The following LYPD6 variants were observed in gnomAD, a reference collection of about 807,000 sequenced individuals.
LYPD6 encodes the protein LY6/PLAUR domain containing 6.
Under a neutral mutation model 22.7 loss-of-function variants are expected in LYPD6, and 15 were observed. The ratio of observed to expected loss-of-function variants is 0.66; its 90% CI spans 0.44 to 1.02. The LOEUF is 1.02. Among genes scored for constraint, LYPD6 ranks in the 50% least tolerant of loss-of-function variants. The pLI is 0.00. For synonymous variants in LYPD6, 72 were observed against 77.5 expected (o/e 0.93, Z 0.37); for missense variants, 189 against 208.4 (o/e 0.91, Z 0.57).
At chr2:149,446,332 T>G (rs1278298134) in intron 2 of LYPD6, among the ~76,000 whole-genome samples, 1 of 152,124 alleles carries the variant, frequency 6.6e-6, no homozygotes, top group Non-Finnish European at 1.5e-5. Flanking sequence ...AATTGGAAAA[T>G]GACACCGATA....
chr2:149,424,026 T>G (rs1683138801), intron 1 of LYPD6, among the ~76,000 whole-genome samples: 1 of 152,184 alleles, frequency 6.6e-6, no homozygotes, highest in Non-Finnish European at 1.5e-5. Context: ...CCCCGAAAGA[T>G]GCCATCGTCT....
intron 1 of LYPD6, among the ~76,000 whole-genome samples, chr2:149,350,025 A>C (rs1681329902): frequency 6.6e-6 from 1 of 152,206 alleles, no homozygotes; most frequent in Non-Finnish European, 1.5e-5. Context: ...TCTAAGGTGC[A>C]TGAGTATTTT....
chr2:149,347,169 A>G (rs1285937107), intron 1 of LYPD6, among the ~76,000 whole-genome samples: 4 of 151,510 alleles, frequency 2.6e-5, no homozygotes, highest in African/African-American at 7.3e-5. Flanking sequence ...GAGAAGAAGA[A>G]GAGAAAGAGG....
At position 149,409,009 on chromosome 2, in the gene LYPD6, T is replaced by C. The variant is rs183139330; in HGVS notation, c.-71-28629T>C. Among the ~76,000 whole-genome samples the C allele has an allele frequency of 7.7e-3, 1,175 of 152,298 alleles. 53 individuals carry two copies. Among genetic ancestry groups the C allele is most frequent in the Admixed American group, 0.072 (1,099 of 15,298 alleles). ...TTTGTCATATTACCAGAATTGTTTT[T>C]CTGGTTCTTTCTCATTTGAGTAGAT... On this transcript the variant is annotated intron_variant, in intron 1 of 4. Coordinates refer to ENST00000334166, the MANE Select transcript of LYPD6 (RefSeq NM_194317.5).
chr2:149,403,656 T>C (rs1275891890), intron 1 of LYPD6, among the ~76,000 whole-genome samples: 46 of 141,194 alleles, frequency 3.3e-4, no homozygotes, highest in Admixed American at 5.0e-4. Context: ...GAGTAGGTTG[T>C]GAAAATTTTC....
chr2:149,364,281 G>A (rs1383434679), intron 1 of LYPD6, among the ~76,000 whole-genome samples: 2 of 152,096 alleles, frequency 1.3e-5, no homozygotes, highest in Non-Finnish European at 2.9e-5. Context: ...TCCTGCCTTA[G>A]CCTGCAATGT....
intron 1 of LYPD6, among the ~76,000 whole-genome samples, 162 bp from the exon 2 acceptor site, chr2:149,437,476 C>G (rs1248570724): frequency 6.6e-6 from 1 of 152,134 alleles, no homozygotes; most frequent in Non-Finnish European, 1.5e-5. Context: ...CTGGAATGTT[C>G]TCAGTGCTCT....
chr2:149,427,265 A>G (rs1683206466), intron 1 of LYPD6, among the ~76,000 whole-genome samples: 1 of 152,200 alleles, frequency 6.6e-6, no homozygotes, highest in African/African-American at 2.4e-5. Flanking sequence ...TACATTTTAC[A>G]CTTCCGCATT....
chr2:149,422,241 A>ATTT, intron 1 of LYPD6, among the ~76,000 whole-genome samples: 1 of 152,230 alleles, frequency 6.6e-6, no homozygotes, highest in Non-Finnish European at 1.5e-5. Context: ...AGAGGTTTTA[A>ATTT]TTTCCCTATT....
intron 2 of LYPD6, among the ~76,000 whole-genome samples, chr2:149,442,309 A>G (rs1324763005): frequency 2.6e-5 from 4 of 152,174 alleles, no homozygotes; most frequent in African/African-American, 9.7e-5. Flanking sequence ...GTTCCAAGAG[A>G]TGGAAACAAA....
At chr2:149,478,241 G>A (rs1558822814), downstream of LYPD6, among the ~76,000 whole-genome samples, 2 of 152,134 alleles carry the variant, frequency 1.3e-5, no homozygotes, top group Admixed American at 6.5e-5. Context: ...GAGTACCAAG[G>A]CAGCCTACTA....
intron 1 of LYPD6, among the ~76,000 whole-genome samples, chr2:149,380,105 C>G (rs1454475048): frequency 6.6e-6 from 1 of 152,072 alleles, no homozygotes. Flanking sequence ...GAGGAAAGAG[C>G]ACATGCAGAT....
At chr2:149,415,659 A>G (rs1682946161) in intron 1 of LYPD6, among the ~76,000 whole-genome samples, 1 of 152,018 alleles carries the variant, frequency 6.6e-6, no homozygotes, top group South Asian at 2.1e-4. Context: ...TAGGCCTTAC[A>G]CTAAACTGTA....
At chr2:149,441,103 G>A (rs143932236) in intron 2 of LYPD6, among the ~76,000 whole-genome samples, 28 of 152,204 alleles carry the variant, frequency 1.8e-4, no homozygotes, top group African/African-American at 4.8e-4. Context: ...TTTAAATGGC[G>A]TGGTTCTATG....
intron 1 of LYPD6, among the ~76,000 whole-genome samples, chr2:149,424,072 A>C (rs1683139926): frequency 6.6e-6 from 1 of 152,102 alleles, no homozygotes; most frequent in African/African-American, 2.4e-5. Flanking sequence ...CCTCACCAGA[A>C]ACACCCCAAA....
chr2:149,428,584 T>C (rs1683236296), intron 1 of LYPD6, among the ~76,000 whole-genome samples: 2 of 152,174 alleles, frequency 1.3e-5, no homozygotes, highest in African/African-American at 4.8e-5. Flanking sequence ...TTGAAAAATA[T>C]TCAGGAAGAC....
Position 149,422,677 on chromosome 2 carries a change from A to G in LYPD6, c.-71-14961A>G, listed in dbSNP as rs193064648. ...TACACTGTTATTAACTCTAGTCACC[A>G]TGCTGTACAACAGATCCCCAGAACT... On this transcript the variant is annotated intron_variant, in intron 1 of 4. Coordinates refer to ENST00000334166, the MANE Select transcript of LYPD6 (RefSeq NM_194317.5). 2.3e-3 allele frequency among the ~76,000 whole-genome samples: 351 copies of G among 152,300 alleles called. 1 individual carries two copies. The highest frequency in any genetic ancestry group is 3.7e-3 in the Non-Finnish European group (255 of 68,008).
intron 1 of LYPD6, among the ~76,000 whole-genome samples, chr2:149,437,208 G>A (rs948635723): frequency 6.6e-6 from 1 of 152,130 alleles, no homozygotes; most frequent in African/African-American, 2.4e-5. Flanking sequence ...CTGAAAGTCT[G>A]CCCTGTACAG....
At chr2:149,478,077 C>G (rs1224543260), downstream of LYPD6, among the ~76,000 whole-genome samples, 8 of 152,108 alleles carry the variant, frequency 5.3e-5, no homozygotes, top group Admixed American at 5.2e-4. Context: ...TAGTATCTGC[C>G]TGTTAGAATC....
Sources: allele counts gnomAD v4.1 joint callset (sites outside exome capture counted in the v4.1 genomes callset), GRCh38; gene constraint gnomAD v4.1.1; transcripts MANE v1.5; gene names NCBI Gene and HGNC (gene_info 2026-07-23, HGNC 2026-07-21).